The following RAB38 variants were observed in gnomAD, a reference collection of about 807,000 sequenced individuals.
The protein encoded by RAB38 is RAB38, member RAS oncogene family, also known as ras-related protein Rab-38.
RAB38 carries 15 observed loss-of-function variants against 18.4 expected under a neutral mutation model. The observed-to-expected ratio is 0.82, with a 90% CI of 0.55 to 1.26. The LOEUF (loss-of-function observed/expected upper bound fraction) is 1.26. Ranked by LOEUF, RAB38 falls within the 50% of genes most tolerant of loss-of-function variation. The pLI, the probability that RAB38 is intolerant of heterozygous loss-of-function variation, is 0.00. For missense variants in RAB38, 294 were observed against 267.4 expected (o/e 1.10, Z -0.69); for synonymous variants, 101 against 104.4 (o/e 0.97, Z 0.20).
chr11:87,940,128 T>A, the RAB38 span, among the ~76,000 whole-genome samples: 1 of 135,082 alleles, frequency 7.4e-6, no homozygotes. Context: ...GAAAAAAATG[T>A]AACAGGAAAG....
the RAB38 span, among the ~76,000 whole-genome samples, chr11:87,944,457 C>T: frequency 6.6e-6 from 1 of 152,114 alleles, no homozygotes; most frequent in Admixed American, 6.6e-5. Context: ...GTGAAACACC[C>T]TGTTCCCCTG....
the RAB38 span, among the ~76,000 whole-genome samples, chr11:87,898,476 T>C: frequency 6.6e-6 from 1 of 151,660 alleles, no homozygotes; most frequent in Non-Finnish European, 1.5e-5. Context: ...TTTTTAAAAT[T>C]AGTATCTGCT....
chr11:88,171,515 T>A (rs931802995), intron 1 of RAB38, among the ~76,000 whole-genome samples: 1 of 152,250 alleles, frequency 6.6e-6, no homozygotes, highest in African/African-American at 2.4e-5. Context: ...ATATTTAAAC[T>A]ATGTCTGAAG....
the RAB38 span, among the ~76,000 whole-genome samples, chr11:87,850,760 G>A: frequency 6.8e-6 from 1 of 147,028 alleles, no homozygotes; most frequent in Non-Finnish European, 1.5e-5. Context: ...ACACACACCA[G>A]TATACATACA....
chr11:87,877,629 C>T, the RAB38 span, among the ~76,000 whole-genome samples: 45,433 of 151,328 alleles, frequency 0.3, 8,904 homozygotes, highest in African/African-American at 0.54. Context: ...ACTGTGTCTA[C>T]CTTCCTCTTA....
the RAB38 span, among the ~76,000 whole-genome samples, chr11:87,956,390 A>C: frequency 1.3e-5 from 2 of 152,080 alleles, no homozygotes; most frequent in African/African-American, 4.8e-5. Context: ...ATTGGAGACC[A>C]CTCACATGCA....
chr11:88,169,405 T>C (rs754019106), intron 1 of RAB38, among the ~76,000 whole-genome samples: 10 of 152,204 alleles, frequency 6.6e-5, no homozygotes, highest in Admixed American at 1.3e-4. Context: ...ACTTTATTAA[T>C]AGAAAAAACA....
chr11:87,842,980 G>A, the RAB38 span, among the ~76,000 whole-genome samples: 2 of 152,210 alleles, frequency 1.3e-5, no homozygotes, highest in South Asian at 2.1e-4. Context: ...AGGGGAAAGC[G>A]TTGGCTGAAA....
the RAB38 span, among the ~76,000 whole-genome samples, chr11:87,971,783 T>C: frequency 6.6e-6 from 1 of 152,086 alleles, no homozygotes; most frequent in Admixed American, 6.6e-5. Context: ...TTTGATTACA[T>C]CCTTCTCTGT....
At chr11:88,039,391 C>A in the RAB38 span, among the ~76,000 whole-genome samples, 1 of 151,740 alleles carries the variant, frequency 6.6e-6, no homozygotes, top group Admixed American at 6.6e-5. Context: ...GCACCATAAA[C>A]CAGACCTATT....
At chr11:88,150,221 C>G (rs1460639592) in intron 1 of RAB38, among the ~76,000 whole-genome samples, 1 of 152,134 alleles carries the variant, frequency 6.6e-6, no homozygotes, top group East Asian at 1.9e-4. Context: ...ATACAGTATT[C>G]CAGTAGCCAC....
the RAB38 span, among the ~76,000 whole-genome samples, chr11:87,974,178 T>C: frequency 6.6e-6 from 1 of 151,586 alleles, no homozygotes; most frequent in African/African-American, 2.4e-5. Context: ...ATCCAGTTAT[T>C]AGAATTTGCA....
chr11:88,163,987 G>C (rs1943217684), intron 1 of RAB38, among the ~76,000 whole-genome samples: 1 of 152,072 alleles, frequency 6.6e-6, no homozygotes, highest in Admixed American at 6.6e-5. Flanking sequence ...ATGGATGACA[G>C]GTTGGAGTGA....
chr11:88,028,742 T>G, the RAB38 span, among the ~76,000 whole-genome samples: 1 of 152,104 alleles, frequency 6.6e-6, no homozygotes, highest in Admixed American at 6.5e-5. Flanking sequence ...AAAGACCAAA[T>G]CTACGTCTGA....
At chr11:88,050,104 A>G in the RAB38 span, 1 of 152,218 alleles carries the variant, frequency 6.6e-6, no homozygotes, top group Admixed American at 6.5e-5. Flanking sequence ...CATATGTTTA[A>G]GGTACTGGTG....
At chr11:87,885,643 T>C in the RAB38 span, among the ~76,000 whole-genome samples, 7 of 152,122 alleles carry the variant, frequency 4.6e-5, no homozygotes, top group African/African-American at 1.7e-4. Context: ...CACCTTGATA[T>C]TGGCTGATGT....
At chr11:88,018,839 TTCAA>T in the RAB38 span, among the ~76,000 whole-genome samples, 1 of 152,192 alleles carries the variant, frequency 6.6e-6, no homozygotes, top group Non-Finnish European at 1.5e-5. Context: ...ATTTAAATAT[TTCAA>T]TCAGAGATTG....
At chr11:88,043,035 A>G in the RAB38 span, among the ~76,000 whole-genome samples, 1 of 62,452 alleles carries the variant, frequency 1.6e-5, no homozygotes, top group Admixed American at 1.6e-4. Flanking sequence ...GCAATAAACT[A>G]ATTTCCTTTT....
chr11:88,007,654 T>C, the RAB38 span, among the ~76,000 whole-genome samples: 1 of 152,032 alleles, frequency 6.6e-6, no homozygotes, highest in African/African-American at 2.4e-5. Context: ...AAGCATAAGG[T>C]GATACAACTA....
Sources: allele counts gnomAD v4.1 joint callset (sites outside exome capture counted in the v4.1 genomes callset), GRCh38; gene constraint gnomAD v4.1.1; transcripts MANE v1.5; gene names NCBI Gene and HGNC (gene_info 2026-07-23, HGNC 2026-07-21).